BANK1: variants seen among roughly 807,000 people sequenced by gnomAD.
BANK1 encodes the protein B cell scaffold protein with ankyrin repeats 1.
Under a neutral mutation model 94.5 loss-of-function variants are expected in BANK1, and 95 were observed. That is an observed-to-expected ratio of 1.00 (90% CI 0.85 to 1.19). The LOEUF (loss-of-function observed/expected upper bound fraction) is 1.19. Among genes scored for constraint, BANK1 ranks in the 50% most tolerant of loss-of-function variants. BANK1 has a pLI of 0.00. For missense variants in BANK1, 987 were observed against 932.2 expected (o/e 1.06, Z -0.77); for synonymous variants, 334 against 308.4 (o/e 1.08, Z -0.87).
chr4:101,803,859 G>A (rs914184992), intron 1 of BANK1, among the ~76,000 whole-genome samples: 21 of 149,550 alleles, frequency 1.4e-4, no homozygotes, highest in African/African-American at 4.9e-4. Flanking sequence ...TTAGCCGGGC[G>A]TAGTGGCGGG....
chr4:101,852,729 T>C (rs532892431), intron 2 of BANK1, among the ~76,000 whole-genome samples: 1 of 151,952 alleles, frequency 6.6e-6, no homozygotes, highest in Non-Finnish European at 1.5e-5. Flanking sequence ...TCGCATAAGA[T>C]ATTTTTATCT....
intron 3 of BANK1, among the ~76,000 whole-genome samples, chr4:101,858,615 CTTTTAT>C (rs1727764723): frequency 6.6e-6 from 1 of 152,028 alleles, no homozygotes; most frequent in African/African-American, 2.4e-5. Flanking sequence ...AACCCTAATT[CTTTTAT>C]TTTTATTTTA....
chr4:102,004,008 C>T (rs565039767), intron 7 of BANK1, among the ~76,000 whole-genome samples: 1 of 151,380 alleles, frequency 6.6e-6, no homozygotes, highest in Admixed American at 6.6e-5. Flanking sequence ...TATATATAAC[C>T]TATTTGAGCT....
chr4:101,966,874 G>A (rs1447823560), intron 7 of BANK1, among the ~76,000 whole-genome samples: 2 of 152,030 alleles, frequency 1.3e-5, no homozygotes, highest in African/African-American at 4.8e-5. Flanking sequence ...ACCCAAGGAG[G>A]CTGCTGAATA....
chr4:101,908,509 G>T (rs907771784), intron 6 of BANK1, among the ~76,000 whole-genome samples: 4 of 152,184 alleles, frequency 2.6e-5, no homozygotes, highest in African/African-American at 9.6e-5. Flanking sequence ...AGGACTTCAT[G>T]ACTAAAACAC....
intron 5 of BANK1, 50 bp from the exon 6 acceptor site, chr4:101,895,255 C>G (rs747924242): frequency 3.8e-6 from 4 of 1,059,166 alleles, no homozygotes; most frequent in Non-Finnish European, 5.5e-6. Flanking sequence ...AAATGAGTTT[C>G]TATGTAAATA....
intron 9 of BANK1, among the ~76,000 whole-genome samples, chr4:102,028,111 C>T (rs1171826824): frequency 6.6e-6 from 1 of 152,150 alleles, no homozygotes; most frequent in Non-Finnish European, 1.5e-5. Flanking sequence ...ATTTCTAGTG[C>T]AAGCCCAACT....
chr4:102,010,006 C>T (rs904519751), intron 7 of BANK1, among the ~76,000 whole-genome samples: 19 of 152,158 alleles, frequency 1.2e-4, no homozygotes, highest in African/African-American at 3.1e-4. Context: ...GTGGCTCACG[C>T]CTGTAATCCC....
At chr4:101,870,421 G>A in intron 4 of BANK1, 84 bp from the exon 5 acceptor site, 6 of 1,238,242 alleles carry the variant, frequency 4.8e-6, no homozygotes, top group Non-Finnish European at 6.4e-6. Context: ...ATTTTTAAAG[G>A]CTTCTTTTAT....
chr4:101,798,530 C>T (rs530098947), intron 1 of BANK1, among the ~76,000 whole-genome samples: 2 of 152,262 alleles, frequency 1.3e-5, no homozygotes, highest in African/African-American at 4.8e-5. Context: ...CTTGAGGAAT[C>T]GCCATACTAT....
chr4:102,036,301 T>A (rs938072863), intron 10 of BANK1, among the ~76,000 whole-genome samples: 9 of 152,186 alleles, frequency 5.9e-5, no homozygotes, highest in Non-Finnish European at 1.2e-4. Context: ...GCAATTCACT[T>A]GTACTTGAAA....
chr4:101,903,158 A>G (rs907653781), intron 6 of BANK1, among the ~76,000 whole-genome samples: 6 of 152,228 alleles, frequency 3.9e-5, no homozygotes, highest in Non-Finnish European at 8.8e-5. Context: ...CCCATCTGTA[A>G]AAACATTCTC....
chr4:101,990,919 G>C (rs1725684420), intron 7 of BANK1, among the ~76,000 whole-genome samples: 1 of 152,150 alleles, frequency 6.6e-6, no homozygotes, highest in Non-Finnish European at 1.5e-5. Flanking sequence ...TGCTTTAACA[G>C]TGCTTGGCAT....
At chr4:102,031,214 G>A (rs1727294879) in intron 10 of BANK1, among the ~76,000 whole-genome samples, 1 of 152,144 alleles carries the variant, frequency 6.6e-6, no homozygotes, top group South Asian at 2.1e-4. Flanking sequence ...TTTTTCAAGT[G>A]TCCGTTGGCT....
chr4:102,000,322 C>CAAA lies in BANK1; in HGVS notation c.1207-21170_1207-21168dup, dbSNP rs3974642. Reference sequence around the variant, plus strand: ...TGGGTGGCAGAGCGAAACTCTGTCTCAAAAAAAAAAAAAAAAAAAAAAAAC... The same window carrying CAAA: ...TGGGTGGCAGAGCGAAACTCTGTCTCAAAAAAAAAAAAAAAAAAAAAAAAAAAC... On this transcript the variant is annotated intron_variant, in intron 7 of 16. Transcript: ENST00000322953. Among the ~76,000 whole-genome samples, 77 of 66,030 alleles carry CAAA rather than the reference C, an allele frequency of 1.2e-3. 2 individuals are homozygous for CAAA. The highest frequency in any genetic ancestry group is 2.5e-3 in the African/African-American group (41 of 16,458). The allele number at this position is 66,030 out of a possible 152,430, so 43.3% of individuals were successfully genotyped here.
At chr4:101,802,208 C>T (rs1397044367) in intron 1 of BANK1, among the ~76,000 whole-genome samples, 1 of 152,198 alleles carries the variant, frequency 6.6e-6, no homozygotes, top group African/African-American at 2.4e-5. Context: ...TACTTCCCTT[C>T]TGTATCAGTG....
chr4:102,000,321 T>TAA (rs140877422), intron 7 of BANK1, among the ~76,000 whole-genome samples: 2 of 51,028 alleles, frequency 3.9e-5, no homozygotes, highest in South Asian at 8.4e-4. Flanking sequence ...AAACTCTGTC[T>TAA]CAAAAAAAAA....
intron 7 of BANK1, among the ~76,000 whole-genome samples, chr4:101,928,063 G>A (rs747210928): frequency 3.3e-5 from 5 of 151,634 alleles, no homozygotes; most frequent in Admixed American, 6.6e-5. Flanking sequence ...ATATTTGTAT[G>A]TGCATATTTA....
At chr4:102,073,163 T>G (rs1240439171) in intron 15 of BANK1, among the ~76,000 whole-genome samples, 1 of 151,686 alleles carries the variant, frequency 6.6e-6, no homozygotes, top group Non-Finnish European at 1.5e-5. Flanking sequence ...CATTCACCCT[T>G]AAAAACGAAT....
Sources: gnomAD v4.1 joint callset for allele counts (sites outside exome capture counted in the v4.1 genomes callset) on GRCh38, gnomAD v4.1.1 for gene constraint, MANE v1.5 for transcripts, NCBI Gene and HGNC (gene_info 2026-07-23, HGNC 2026-07-21) for gene names.